SNTG2: variants seen among roughly 807,000 people sequenced by gnomAD.
SNTG2 encodes syntrophin gamma 2.
In SNTG2, 74 loss-of-function variants were observed where a neutral mutation model predicts 70.9. The ratio of observed to expected loss-of-function variants is 1.04; its 90% CI spans 0.86 to 1.27. The LOEUF (loss-of-function observed/expected upper bound fraction) is 1.27. Among genes scored for constraint, SNTG2 ranks in the 50% most tolerant of loss-of-function variants. The pLI, the probability that SNTG2 is intolerant of heterozygous loss-of-function variation, is 0.00. For synonymous variants in SNTG2, 278 were observed against 273.8 expected (o/e 1.02, Z -0.15); for missense variants, 717 against 690.7 (o/e 1.04, Z -0.43).
At chr2:1,127,744 G>T (rs1667789901) in intron 4 of SNTG2, among the ~76,000 whole-genome samples, 1 of 151,934 alleles carries the variant, frequency 6.6e-6, no homozygotes, top group South Asian at 2.1e-4. Flanking sequence ...TTGGTTTACT[G>T]ATTTTTTTCA....
chr2:977,676 A>G (rs982877448), intron 1 of SNTG2, among the ~76,000 whole-genome samples: 2 of 151,868 alleles, frequency 1.3e-5, no homozygotes, highest in African/African-American at 2.4e-5. Context: ...ATCGACAGCT[A>G]CTCATTGCTT....
chr2:1,020,926 C>T (rs976236987), intron 1 of SNTG2, among the ~76,000 whole-genome samples: 3 of 152,192 alleles, frequency 2.0e-5, no homozygotes, highest in African/African-American at 4.8e-5. Context: ...GATGATCCTT[C>T]TGAGTCAATT....
At chr2:1,225,292 C>T (rs932660264) in intron 9 of SNTG2, among the ~76,000 whole-genome samples, 5 of 152,156 alleles carry the variant, frequency 3.3e-5, no homozygotes, top group African/African-American at 1.2e-4. Flanking sequence ...GAATATGTGC[C>T]AGCTGGTTCT....
At chr2:1,281,623 A>G (rs1679550795) in intron 14 of SNTG2, among the ~76,000 whole-genome samples, 1 of 151,998 alleles carries the variant, frequency 6.6e-6, no homozygotes, top group African/African-American at 2.4e-5. Flanking sequence ...GGACAGCAGA[A>G]CACGTCCCCA....
intron 9 of SNTG2, among the ~76,000 whole-genome samples, chr2:1,218,004 A>C (rs1444973084): frequency 6.6e-6 from 1 of 151,882 alleles, no homozygotes; most frequent in Non-Finnish European, 1.5e-5. Flanking sequence ...TTCAAGGCTC[A>C]CTCAGGGTTG....
At chr2:1,181,600 G>A (rs1188771741) in intron 8 of SNTG2, among the ~76,000 whole-genome samples, 1 of 152,188 alleles carries the variant, frequency 6.6e-6, no homozygotes, top group Non-Finnish European at 1.5e-5. Flanking sequence ...AGGTAGGGTA[G>A]GTGGTGTGTA....
chr2:1,303,236 A>G (rs1233436485), intron 14 of SNTG2, among the ~76,000 whole-genome samples: 4 of 152,350 alleles, frequency 2.6e-5, no homozygotes, highest in Non-Finnish European at 5.9e-5. Flanking sequence ...AGGATCAGCC[A>G]TATCTGGGGG....
chr2:962,353 T>C (rs11903366), intron 1 of SNTG2, among the ~76,000 whole-genome samples: 50,606 of 152,036 alleles, frequency 0.33, 8,849 homozygotes, highest in Middle Eastern at 0.41. Context: ...ATTGTAGGTG[T>C]GAGCCACCAT....
At chr2:1,284,178 G>C (rs986814087) in intron 14 of SNTG2, among the ~76,000 whole-genome samples, 1 of 152,174 alleles carries the variant, frequency 6.6e-6, no homozygotes, top group African/African-American at 2.4e-5. Context: ...AACTAAGAGC[G>C]CTGGTGGTAA....
chr2:1,290,478 C>A (rs996868201), intron 14 of SNTG2, among the ~76,000 whole-genome samples: 6 of 152,110 alleles, frequency 3.9e-5, no homozygotes, highest in Admixed American at 3.9e-4. Flanking sequence ...CCACACCCAG[C>A]TAATTTATGT....
intron 1 of SNTG2, among the ~76,000 whole-genome samples, chr2:961,690 C>T (rs555266166): frequency 1.3e-5 from 2 of 152,286 alleles, no homozygotes; most frequent in East Asian, 3.9e-4. Context: ...TTCCGCTATT[C>T]TGAAATGTGG....
intron 16 of SNTG2, among the ~76,000 whole-genome samples, chr2:1,360,057 GAA>G (rs5828812): frequency 3.3e-5 from 5 of 151,052 alleles, no homozygotes; most frequent in Non-Finnish European, 3.0e-5. Context: ...TTTCCCATAG[GAA>G]AAAAAAAAGT....
chr2:1,209,138 C>T lies in SNTG2; in HGVS notation c.627C>T (p.Asp209=). ...PSSPSSPIAK[D]PRYEKRWLDT... ...CACCTTCCTCGCCCATAGCTAAGGA[C>T]CCGAGGTATGAGAAGCGCTGGCTGG... Residue 209 remains aspartate (D), a synonymous_variant, in exon 9 of 17, where the codon GAC becomes GAT. Transcript: ENST00000308624. 1 of 1,613,972 alleles carries T rather than the reference C, an allele frequency of 6.2e-7. No homozygotes were observed. The highest frequency in any genetic ancestry group is 8.5e-7 in the Non-Finnish European group (1 of 1,179,902).
At chr2:1,096,988 G>A (rs151307318) in intron 2 of SNTG2, among the ~76,000 whole-genome samples, 34 of 152,226 alleles carry the variant, frequency 2.2e-4, no homozygotes, top group Non-Finnish European at 4.3e-4. Flanking sequence ...CAAAGCCCCC[G>A]AAATACGGCT....
intron 1 of SNTG2, among the ~76,000 whole-genome samples, chr2:962,265 T>C (rs1338718887): frequency 1.3e-5 from 2 of 149,696 alleles, no homozygotes; most frequent in Non-Finnish European, 1.5e-5. Context: ...ACCGATGGGG[T>C]CCCATTATGT....
intron 16 of SNTG2, among the ~76,000 whole-genome samples, chr2:1,333,607 C>T (rs1036228636): frequency 6.6e-6 from 1 of 152,146 alleles, no homozygotes; most frequent in African/African-American, 2.4e-5. Context: ...ACCAATGGAA[C>T]AGAATAGAGA....
chr2:962,199 G>A (rs907890844), intron 1 of SNTG2, among the ~76,000 whole-genome samples: 3 of 152,060 alleles, frequency 2.0e-5, no homozygotes, highest in Non-Finnish European at 2.9e-5. Flanking sequence ...CCAGCCTCCC[G>A]AGTAGCTGGA....
intron 8 of SNTG2, among the ~76,000 whole-genome samples, chr2:1,199,046 G>A (rs6759872): frequency 1.2e-4 from 18 of 151,104 alleles, no homozygotes; most frequent in African/African-American, 4.4e-4. Context: ...CCAGCATTAC[G>A]TAATGCAAAA....
At chr2:974,461 G>A (rs1036411781) in intron 1 of SNTG2, among the ~76,000 whole-genome samples, 3 of 152,288 alleles carry the variant, frequency 2.0e-5, no homozygotes, top group Admixed American at 1.3e-4. Flanking sequence ...TTTGACCCTG[G>A]GGTGAGCGTT....
Sources: gnomAD v4.1 joint callset for allele counts (sites outside exome capture counted in the v4.1 genomes callset) on GRCh38, gnomAD v4.1.1 for gene constraint, MANE v1.5 for transcripts, NCBI Gene and HGNC (gene_info 2026-07-23, HGNC 2026-07-21) for gene names.